Variants in CAMK1D observed in about 807,000 individuals in gnomAD.
CAMK1D encodes calcium/calmodulin dependent protein kinase ID.
In CAMK1D, 9 loss-of-function variants were observed where a neutral mutation model predicts 47.7. The ratio of observed to expected loss-of-function variants is 0.19; its 90% CI spans 0.11 to 0.33. The LOEUF is 0.33. CAMK1D is among the 10% of genes least tolerant of loss of function. CAMK1D has a pLI of 1.00. For missense variants in CAMK1D, 291 were observed against 488.7 expected, an observed-to-expected ratio of 0.60 and a Z score of 3.81; for synonymous variants, 184 against 184.9, an observed-to-expected ratio of 0.99 and a Z score of 0.04.
chr10:12,368,743 C>CAA (rs566501661), intron 1 of CAMK1D, among the ~76,000 whole-genome samples: 2,160 of 124,400 alleles, frequency 0.017, 40 homozygotes, highest in African/African-American at 0.042. Context: ...GACCCTGTCT[C>CAA]AAAAAAAAAA....
chr10:12,437,610 T>A (rs1832673558), intron 1 of CAMK1D, among the ~76,000 whole-genome samples: 2 of 151,980 alleles, frequency 1.3e-5, no homozygotes, highest in South Asian at 4.2e-4. Context: ...ACTATCAACA[T>A]CCCCCAGCAG....
chr10:12,574,682 T>C (rs1268729924), intron 2 of CAMK1D, among the ~76,000 whole-genome samples: 1 of 152,010 alleles, frequency 6.6e-6, no homozygotes, highest in East Asian at 1.9e-4. Context: ...CTCACACTGC[T>C]ATAAAGAACT....
intron 1 of CAMK1D, among the ~76,000 whole-genome samples, chr10:12,534,938 C>T (rs187314428): frequency 1.3e-5 from 2 of 152,326 alleles, no homozygotes; most frequent in East Asian, 3.9e-4. Flanking sequence ...TGGCAGAGCC[C>T]AGTCTTGTGG....
intron 3 of CAMK1D, among the ~76,000 whole-genome samples, chr10:12,705,631 A>G (rs1221359440): frequency 6.6e-6 from 1 of 152,196 alleles, no homozygotes; most frequent in Non-Finnish European, 1.5e-5. Flanking sequence ...GTATGGCTCC[A>G]TGTAGACAAT....
chr10:12,597,015 A>G (rs908470534), intron 2 of CAMK1D, among the ~76,000 whole-genome samples: 5 of 152,140 alleles, frequency 3.3e-5, no homozygotes, highest in Non-Finnish European at 7.3e-5. Context: ...TCTGGAGCTC[A>G]GGGTCTAATT....
intron 2 of CAMK1D, among the ~76,000 whole-genome samples, chr10:12,664,813 C>T (rs1840378584): frequency 6.6e-6 from 1 of 152,200 alleles, no homozygotes; most frequent in African/African-American, 2.4e-5. Context: ...TTTCTCTGGC[C>T]ACTCTTCATA....
chr10:12,541,891 T>TCC (rs1836204837), intron 1 of CAMK1D, among the ~76,000 whole-genome samples: 2 of 45,036 alleles, frequency 4.4e-5, no homozygotes, highest in African/African-American at 1.2e-4. Context: ...TCCTTCCTTT[T>TCC]TTTTTTTCAG....
chr10:12,542,951 G>A (rs1353191815), intron 1 of CAMK1D, among the ~76,000 whole-genome samples: 1 of 151,874 alleles, frequency 6.6e-6, no homozygotes, highest in Admixed American at 6.6e-5. Context: ...TCATCATGTT[G>A]GCCAGACCGC....
chr10:12,715,202 G>T (rs1018988856), intron 3 of CAMK1D, among the ~76,000 whole-genome samples: 9 of 152,126 alleles, frequency 5.9e-5, no homozygotes, highest in Non-Finnish European at 8.8e-5. Flanking sequence ...AGTTCTTGAT[G>T]ATATATTTCC....
Position 12,483,823 on chromosome 10 carries a change from A to C in CAMK1D, c.93-69402A>C, listed in dbSNP as rs113025028. The stretch of plus-strand genomic sequence containing the variant: ...TGCCTTTGCCTCCCTAGTAGCTGAG[A>C]TTACAGGCGTGCACCACCATGAGCA... On this transcript the variant is annotated intron_variant, in intron 1 of 10. Coordinates refer to ENST00000619168, the MANE Select transcript of CAMK1D (RefSeq NM_153498.4). Among the ~76,000 whole-genome samples, 194 of 152,130 alleles carry C rather than the reference A, an allele frequency of 1.3e-3. 2 individuals carry two copies. The highest frequency in any genetic ancestry group is 4.6e-3 in the African/African-American group (189 of 41,510).
chr10:12,388,864 C>T (rs1838617879), intron 1 of CAMK1D, among the ~76,000 whole-genome samples: 1 of 152,174 alleles, frequency 6.6e-6, no homozygotes, highest in Non-Finnish European at 1.5e-5. Flanking sequence ...TTACCACGCT[C>T]CCCTGGAGGC....
chr10:12,740,411 C>T (rs1404868664), intron 3 of CAMK1D, among the ~76,000 whole-genome samples: 2 of 152,208 alleles, frequency 1.3e-5, no homozygotes, highest in East Asian at 3.9e-4. Context: ...CCAGCCTGGG[C>T]AACATGGCGA....
At chr10:12,615,554 A>ATG (rs573967244) in intron 2 of CAMK1D, among the ~76,000 whole-genome samples, 3 of 142,400 alleles carry the variant, frequency 2.1e-5, no homozygotes, top group Non-Finnish European at 1.5e-5. Flanking sequence ...ATGTGTAGTT[A>ATG]TGTGTGTATA....
At chr10:12,475,523 C>T (rs1669987764) in intron 1 of CAMK1D, among the ~76,000 whole-genome samples, 1 of 152,116 alleles carries the variant, frequency 6.6e-6, no homozygotes, top group Non-Finnish European at 1.5e-5. Flanking sequence ...TTATCCATTC[C>T]TCTATCCATG....
intron 5 of CAMK1D, among the ~76,000 whole-genome samples, chr10:12,770,108 A>C (rs1476707451): frequency 6.6e-6 from 1 of 152,222 alleles, no homozygotes; most frequent in African/African-American, 2.4e-5. Flanking sequence ...TTCCAGAGAT[A>C]CTGCATACAT....
At chr10:12,702,622 C>T (rs771966360) in intron 3 of CAMK1D, among the ~76,000 whole-genome samples, 6 of 152,174 alleles carry the variant, frequency 3.9e-5, no homozygotes, top group Admixed American at 1.3e-4. Flanking sequence ...CTTAAATCCC[C>T]GATACGAGGT....
rs964199515 is a variant in CAMK1D at position 12,431,272 on chromosome 10, C to A, written c.92+81362C>A. 2.6e-5 allele frequency among the ~76,000 whole-genome samples: 4 copies of A among 152,140 alleles called. No homozygotes were observed. In the South Asian group the frequency reaches 8.3e-4, roughly 32 times the overall value. On this transcript the variant is annotated intron_variant, in intron 1 of 10. Transcript: ENST00000619168. ...ACACACATCTCACCTCCACTGCTGCCCCTTGGAAGCCTGGGGCTGTTTTTT... is the reference window on the plus strand; with the variant it reads ...ACACACATCTCACCTCCACTGCTGCACCTTGGAAGCCTGGGGCTGTTTTTT...
At chr10:12,396,601 A>C (rs1006395606) in intron 1 of CAMK1D, among the ~76,000 whole-genome samples, 1 of 152,210 alleles carries the variant, frequency 6.6e-6, no homozygotes, top group Non-Finnish European at 1.5e-5. Context: ...TTGCTTTGCT[A>C]TCTCAACTTT....
intron 1 of CAMK1D, among the ~76,000 whole-genome samples, chr10:12,438,337 T>C (rs1454760607): frequency 6.6e-6 from 1 of 152,230 alleles, no homozygotes. Flanking sequence ...GTGTCTTTTT[T>C]CCATCTCTGA....
Sources: gnomAD v4.1 joint callset for allele counts (sites outside exome capture counted in the v4.1 genomes callset) on GRCh38, gnomAD v4.1.1 for gene constraint, MANE v1.5 for transcripts, NCBI Gene and HGNC (gene_info 2026-07-23, HGNC 2026-07-21) for gene names.